The following YAP1 variants were observed in gnomAD, a reference collection of about 807,000 sequenced individuals.
The protein encoded by YAP1 is transcriptional coactivator YAP1.
YAP1 carries 5 observed loss-of-function variants against 56.9 expected under a neutral mutation model. The observed-to-expected ratio is 0.09, with a 90% CI of 0.05 to 0.18. The LOEUF (loss-of-function observed/expected upper bound fraction) is 0.18. YAP1 is among the 10% of genes least tolerant of loss of function. The pLI is 1.00. For missense variants in YAP1, 539 were observed against 651.8 expected (o/e 0.83, Z 1.88); for synonymous variants, 265 against 248.1 (o/e 1.07, Z -0.64).
rs11601406 is a variant in YAP1, at chr11:102,200,463, G to T, written c.803-5430G>T. On this transcript the variant is annotated intron_variant, in intron 4 of 8. Coordinates refer to ENST00000282441, the MANE Select transcript of YAP1 (RefSeq NM_001130145.3). Reference sequence around the variant, plus strand: ...AATAAGCTTTTTTTTTTTTTTTTTAGACAAGAGTCTTGCACTTTTTGCCCA... The same window carrying T: ...AATAAGCTTTTTTTTTTTTTTTTTATACAAGAGTCTTGCACTTTTTGCCCA... Among the ~76,000 whole-genome samples, 492 of 127,618 alleles carry T rather than the reference G, an allele frequency of 3.9e-3. 2 individuals carry two copies. The highest frequency in any genetic ancestry group is 0.014 in the African/African-American group (464 of 33,502). The allele number at this position is 127,618 out of a possible 152,430, so 83.7% of individuals were successfully genotyped here.
intron 6 of YAP1, among the ~76,000 whole-genome samples, chr11:102,213,602 G>T (rs1320751988): frequency 6.6e-6 from 1 of 152,148 alleles, no homozygotes; most frequent in African/African-American, 2.4e-5. Context: ...TCACTCACTG[G>T]TTCCAGTTAA....
chr11:102,176,745 CAAAAAAAAAAAAAAAAAAAAAAAAAAAA>C (rs57082707), intron 3 of YAP1, among the ~76,000 whole-genome samples: 1 of 45,480 alleles, frequency 2.2e-5, no homozygotes, highest in African/African-American at 8.9e-5. Flanking sequence ...GACTCCGTCT[CAAAAAAAAAAAAAAAAAAAAAAAAAAAA>C]AAAGAGTAGA....
At chr11:102,161,053 C>CTTTTTTTTTTTTTTTTTTTT (rs67023819) in intron 2 of YAP1, among the ~76,000 whole-genome samples, 1 of 75,494 alleles carries the variant, frequency 1.3e-5, no homozygotes, top group Non-Finnish European at 2.3e-5. Flanking sequence ...TAATTTCTTT[C>CTTTTTTTTTTTTTTTTTTTT]TTTTTTTTTT....
chr11:102,166,759 A>T (rs950645746), intron 3 of YAP1, among the ~76,000 whole-genome samples: 20 of 152,226 alleles, frequency 1.3e-4, no homozygotes, highest in African/African-American at 4.6e-4. Flanking sequence ...CTCATTATTT[A>T]ATAAGGACTT....
At chr11:102,130,167 C>G (rs1944291564) in intron 2 of YAP1, among the ~76,000 whole-genome samples, 1 of 151,564 alleles carries the variant, frequency 6.6e-6, no homozygotes, top group Non-Finnish European at 1.5e-5. Flanking sequence ...TAAATATTGA[C>G]TCAGAAAAAA....
At chr11:102,227,389 T>G in intron 7 of YAP1, 80 bp from the exon 8 acceptor site, 2 of 920,880 alleles carry the variant, frequency 2.2e-6, no homozygotes. Flanking sequence ...ATTATGTTGC[T>G]GCTCAGCAGG....
intron 2 of YAP1, among the ~76,000 whole-genome samples, chr11:102,150,235 C>T (rs866890955): frequency 2.6e-5 from 4 of 151,918 alleles, no homozygotes; most frequent in Non-Finnish European, 4.4e-5. Flanking sequence ...CCTCCCGCCT[C>T]GGCTTCCCAA....
intron 5 of YAP1, 25 bp from the exon 6 acceptor site, chr11:102,209,492 T>C (rs1234356161): frequency 1.3e-6 from 2 of 1,599,412 alleles, no homozygotes; most frequent in East Asian, 4.5e-5. Context: ...AAGTAATTTT[T>C]ATCCGTCTTA....
At chr11:102,134,719 A>G (rs1326958334) in intron 2 of YAP1, among the ~76,000 whole-genome samples, 1 of 151,500 alleles carries the variant, frequency 6.6e-6, no homozygotes, top group Non-Finnish European at 1.5e-5. Context: ...ACCTTTTTTT[A>G]AATTTGAGAG....
At chr11:102,199,423 C>T (rs1042166140) in intron 4 of YAP1, among the ~76,000 whole-genome samples, 3 of 152,084 alleles carry the variant, frequency 2.0e-5, no homozygotes, top group Admixed American at 6.6e-5. Context: ...AAATTGTTGG[C>T]TTTTTTCGTA....
At chr11:102,206,761 T>C (rs891957940) in intron 5 of YAP1, among the ~76,000 whole-genome samples, 6 of 152,084 alleles carry the variant, frequency 3.9e-5, no homozygotes, top group African/African-American at 1.4e-4. Context: ...AAGAATCACT[T>C]GAGCTTCGGA....
chr11:102,136,288 T>C (rs1202753727), intron 2 of YAP1, among the ~76,000 whole-genome samples: 4 of 152,140 alleles, frequency 2.6e-5, no homozygotes, highest in Non-Finnish European at 5.9e-5. Context: ...CCCTTTTTCC[T>C]GTATGATAAC....
chr11:102,124,257 A>G (rs1421436055), intron 2 of YAP1, among the ~76,000 whole-genome samples: 2 of 151,844 alleles, frequency 1.3e-5, no homozygotes, highest in African/African-American at 4.8e-5. Flanking sequence ...CCGGCACTCC[A>G]TTTTCTTCTA....
rs533816824 is a variant in YAP1, at chr11:102,120,959, A to AT, written c.572+6574dup. ...ACCTAGGAGGTGAAGCAAGATGTGG[A>AT]TTTTTTTTTCCTGTATATGGAAATA... On this transcript the variant is annotated intron_variant, in intron 2 of 8. Transcript: ENST00000282441. 1.9e-3 allele frequency among the ~76,000 whole-genome samples: 291 copies of AT among 151,846 alleles called. 1 individual carries two copies. Among genetic ancestry groups the AT allele is most frequent in the Non-Finnish European group, 3.7e-3 (251 of 67,904 alleles).
At chr11:102,169,312 G>A (rs1404558397) in intron 3 of YAP1, among the ~76,000 whole-genome samples, 1 of 152,202 alleles carries the variant, frequency 6.6e-6, no homozygotes, top group Non-Finnish European at 1.5e-5. Flanking sequence ...ATACCTGGTA[G>A]CCACTGTTAC....
chr11:102,112,889 C>A, intron 1 of YAP1: 1 of 566,524 alleles, frequency 1.8e-6, no homozygotes, highest in Non-Finnish European at 2.2e-6. Flanking sequence ...TGGCATCAGC[C>A]ACAAAGAATT....
At position 102,229,747 on chromosome 11, in the gene YAP1, T is replaced by A; in HGVS notation, c.1322T>A (p.Phe441Tyr). ...ACCCTGCCCTCACAGCAGAACCGTT[T>A]CCCAGACTACCTTGAAGCCATTCCT... ...QSTLPSQQNR[F>Y]PDYLEAIPGT... is the part of the protein sequence containing the mutation. Residue 441 changes from phenylalanine to tyrosine, a missense_variant, in exon 9 of 9, where the codon TTC becomes TAC. Phe to Tyr is a conservative substitution (Grantham distance 22). Transcript: ENST00000282441. 1 of 1,614,184 alleles carries A rather than the reference T, an allele frequency of 6.2e-7. No homozygotes were observed. The highest frequency in any genetic ancestry group is 8.5e-7 in the Non-Finnish European group (1 of 1,180,002).
intron 4 of YAP1, among the ~76,000 whole-genome samples, chr11:102,202,131 T>C (rs1565263207): frequency 6.6e-6 from 1 of 152,106 alleles, no homozygotes; most frequent in Non-Finnish European, 1.5e-5. Flanking sequence ...TTTTTTCCCT[T>C]CGCTCCAGGT....
chr11:102,125,686 A>G (rs1473789403), intron 2 of YAP1, among the ~76,000 whole-genome samples: 1 of 152,112 alleles, frequency 6.6e-6, no homozygotes, highest in African/African-American at 2.4e-5. Flanking sequence ...TGGCCTGTGT[A>G]TCATTCTTAA....
Sources: gnomAD v4.1 joint callset for allele counts (sites outside exome capture counted in the v4.1 genomes callset) on GRCh38, gnomAD v4.1.1 for gene constraint, MANE v1.5 for transcripts, NCBI Gene and HGNC (gene_info 2026-07-23, HGNC 2026-07-21) for gene names.